Variants in HSPA4L observed in about 807,000 individuals in gnomAD.
HSPA4L encodes the protein heat shock protein family A (Hsp70) member 4 like.
HSPA4L carries 48 observed loss-of-function variants against 100.3 expected under a neutral mutation model. The observed-to-expected ratio is 0.48, with a 90% CI of 0.38 to 0.61. HSPA4L has a LOEUF of 0.61. HSPA4L is among the 20% of genes least tolerant of loss of function. HSPA4L has a pLI of 0.00. For missense variants in HSPA4L, 886 were observed against 988.6 expected, an observed-to-expected ratio of 0.90 and a Z score of 1.39; for synonymous variants, 319 against 328.2, an observed-to-expected ratio of 0.97 and a Z score of 0.30.
chr4:127,818,665 CT>C (rs748835369), intron 13 of HSPA4L, among the ~76,000 whole-genome samples: 2 of 151,162 alleles, frequency 1.3e-5, no homozygotes, highest in South Asian at 2.1e-4. Flanking sequence ...TTTTCATTAA[CT>C]TTTTTTTTCA....
intron 1 of HSPA4L, among the ~76,000 whole-genome samples, chr4:127,793,157 A>G (rs948337781): frequency 2.0e-5 from 3 of 152,240 alleles, no homozygotes; most frequent in African/African-American, 7.2e-5. Flanking sequence ...CACTTTGGCT[A>G]CTATATGGAG....
Position 127,823,550 on chromosome 4 carries a change from A to T in HSPA4L, c.1972A>T (p.Thr658Ser), listed in dbSNP as rs1208361609. The T allele has an allele frequency of 6.2e-7, 1 of 1,613,406 alleles. No individual in the cohort carries two copies. The highest frequency in any genetic ancestry group is 1.3e-5 in the African/African-American group (1 of 74,922). ...TAAACTGTCTGCAGTATTGGAAGAC[A>T]CAGAAAATTGGCTTTATGAAGACGG... is the stretch of plus-strand genomic sequence containing the variant. ...LSKLSAVLED[T>S]ENWLYEDGED... Residue 658 changes from threonine (T) to serine (S), a missense_variant, in exon 16 of 19, where the codon ACA (threonine) becomes TCA (serine). Thr to Ser is a moderately conservative substitution (Grantham distance 58). Coordinates refer to ENST00000296464, the MANE Select transcript of HSPA4L (RefSeq NM_014278.4).
rs375120228 is a variant in HSPA4L, at chr4:127,794,161, C to G, written c.165+27C>G. The G allele has an allele frequency of 2.5e-5, 39 of 1,582,024 alleles. No individual in the cohort carries two copies. The African/African-American group carries it at 4.8e-4, about 20-fold the overall frequency. ...TAAATTGTTAATGTGGATGTTTTGA[C>G]TTACAGGAAGAATTAACTGAATATT... On this transcript the variant is annotated intron_variant, in intron 2 of 18. Coordinates refer to ENST00000296464, the MANE Select transcript of HSPA4L (RefSeq NM_014278.4).
intron 1 of HSPA4L, among the ~76,000 whole-genome samples, chr4:127,787,623 G>A (rs1453000690): frequency 6.6e-6 from 1 of 151,954 alleles, no homozygotes; most frequent in Non-Finnish European, 1.5e-5. Flanking sequence ...TCAAAATATT[G>A]TGGACATCTC....
At chr4:127,795,659 A>G (rs1241493168) in intron 2 of HSPA4L, 109 bp from the exon 3 acceptor site, 1 of 1,002,994 alleles carries the variant, frequency 1.0e-6, no homozygotes, top group East Asian at 2.5e-5. Context: ...TTGTAATCCT[A>G]AACTTGGATG....
rs1372447692 is a variant in HSPA4L, at chr4:127,833,619, G to A, written c.*745G>A. On this transcript the variant is annotated 3_prime_UTR_variant, in exon 19 of 19. Transcript: ENST00000296464. ...AAAACAATGCTAGCCTAAAGATACAGGAGTCTCTGACAAAATGACTTTCAT... is the reference window on the plus strand; with the variant it reads ...AAAACAATGCTAGCCTAAAGATACAAGAGTCTCTGACAAAATGACTTTCAT... 1 of 152,184 alleles carries A rather than the reference G, an allele frequency of 6.6e-6. No homozygotes were observed. Among genetic ancestry groups the A allele is most frequent in the Non-Finnish European group, 1.5e-5 (1 of 68,022 alleles). 9.4% of individuals were successfully genotyped at this position (152,184 alleles called of 1,614,324 possible). A position where few individuals can be genotyped will look rare whatever the true frequency, so the allele number is the denominator to read the frequency against.
chr4:127,831,957 C>T (rs1734094934), intron 18 of HSPA4L, among the ~76,000 whole-genome samples: 1 of 151,542 alleles, frequency 6.6e-6, no homozygotes, highest in South Asian at 2.1e-4. Flanking sequence ...ATATATTTTA[C>T]TCCTAATGAG....
At chr4:127,813,282 T>C in intron 12 of HSPA4L, 1 of 719,166 alleles carries the variant, frequency 1.4e-6, no homozygotes, top group South Asian at 1.6e-5. Context: ...TCTCCCTTTT[T>C]TTAAGGTTGC....
intron 1 of HSPA4L, among the ~76,000 whole-genome samples, chr4:127,785,630 T>A (rs891489987): frequency 6.6e-6 from 1 of 151,968 alleles, no homozygotes; most frequent in African/African-American, 2.4e-5. Context: ...AGAGACGGGG[T>A]TTCACCATGT....
intron 10 of HSPA4L, 34 bp downstream of exon 10, chr4:127,805,827 T>C (rs1733340813): frequency 7.1e-7 from 1 of 1,406,854 alleles, no homozygotes. Flanking sequence ...TTAGAGCTTG[T>C]CATAAATCTT....
rs373145891 is a variant in HSPA4L, at chr4:127,800,216, G to C, written c.430-922G>C. 1.3e-4 allele frequency among the ~76,000 whole-genome samples: 20 copies of C among 152,282 alleles called. No homozygotes were observed. The East Asian group carries it at 2.3e-3, about 18-fold the overall frequency. On this transcript the variant is annotated intron_variant, in intron 4 of 18. Coordinates refer to ENST00000296464, the MANE Select transcript of HSPA4L (RefSeq NM_014278.4). ...CTTATGTCTGTAACCCTAGTACTTT[G>C]GGAGACCAAAGCAGGAGGATTGCTT...
In HSPA4L at chr4:127,834,965, A is replaced by G. The variant is rs1351517274; in HGVS notation, c.*2091A>G. On this transcript the variant is annotated 3_prime_UTR_variant, in exon 19 of 19. Coordinates refer to ENST00000296464, the MANE Select transcript of HSPA4L (RefSeq NM_014278.4). ...TAATAACTTATATACATCCAAATATATATACTTTTTCTACCCAATTATTCA... is the reference window on the plus strand; with the variant it reads ...TAATAACTTATATACATCCAAATATGTATACTTTTTCTACCCAATTATTCA... The G allele has an allele frequency of 6.6e-6, 1 of 152,200 alleles. No homozygotes were observed. Among genetic ancestry groups the G allele is most frequent in the African/African-American group, 2.4e-5 (1 of 41,456 alleles). 9.4% of individuals were successfully genotyped at this position (152,200 alleles called of 1,614,324 possible). A position where few individuals can be genotyped will look rare whatever the true frequency, so the allele number is the denominator to read the frequency against.
intron 10 of HSPA4L, among the ~76,000 whole-genome samples, 169 bp downstream of exon 10, chr4:127,805,962 C>G (rs1733346201): frequency 6.6e-6 from 1 of 151,840 alleles, no homozygotes; most frequent in Non-Finnish European, 1.5e-5. Context: ...CATAATTGGG[C>G]ATATTTTTAA....
chr4:127,786,359 T>G (rs1011038906), intron 1 of HSPA4L, among the ~76,000 whole-genome samples: 1 of 152,238 alleles, frequency 6.6e-6, no homozygotes, highest in African/African-American at 2.4e-5. Flanking sequence ...AATTACCTGG[T>G]TGAGCAGTTA....
chr4:127,804,116 CTG>C lies in HSPA4L; in HGVS notation c.985+31_985+32del, dbSNP rs771873276. Reference sequence around the variant, plus strand: ...AGTGGAAATTACTGGACTATCAAAACTGTACCATAATGTTGCCTACTTAGCGG... The same window carrying C: ...AGTGGAAATTACTGGACTATCAAAACTACCATAATGTTGCCTACTTAGCGG... On this transcript the variant is annotated intron_variant, in intron 8 of 18. Transcript: ENST00000296464. 1.3e-5 allele frequency: 20 copies of C among 1,568,596 alleles called. No individual in the cohort carries two copies. The South Asian group carries it at 2.2e-4, about 17-fold the overall frequency.
chr4:127,830,553 TA>T, intron 17 of HSPA4L, 84 bp from the exon 18 acceptor site: 1 of 1,097,574 alleles, frequency 9.1e-7, no homozygotes, highest in Non-Finnish European at 1.3e-6. Flanking sequence ...AATAAGAGTC[TA>T]AATTTTTAAA....
intron 10 of HSPA4L, among the ~76,000 whole-genome samples, chr4:127,807,177 T>C (rs1733382362): frequency 2.0e-5 from 3 of 151,990 alleles, no homozygotes; most frequent in African/African-American, 2.4e-5. Flanking sequence ...TTTTAAAATC[T>C]TCCATACTTA....
chr4:127,809,038 G>C, intron 11 of HSPA4L: 1 of 485,098 alleles, frequency 2.1e-6, no homozygotes, highest in Non-Finnish European at 3.7e-6. Flanking sequence ...GCAACAACTA[G>C]AATGACTATT....
rs1350904795 is a variant in HSPA4L at position 127,834,546 on chromosome 4, C to G, written c.*1672C>G. The stretch of plus-strand genomic sequence containing the variant: ...TATAAACTTAATATATTTTTAAACT[C>G]TCCTAGTCTTTAAACTTTCTCTTAA... On this transcript the variant is annotated 3_prime_UTR_variant, in exon 19 of 19. Transcript: ENST00000296464. The G allele has an allele frequency of 1.3e-5, 2 of 152,140 alleles. No individual in the cohort carries two copies. The highest frequency in any genetic ancestry group is 2.9e-5 in the Non-Finnish European group (2 of 68,010). The allele number at this position is 152,140 out of a possible 1,614,324, so 9.4% of individuals were successfully genotyped here.
Sources: gnomAD v4.1 joint callset for allele counts (sites outside exome capture counted in the v4.1 genomes callset) on GRCh38, gnomAD v4.1.1 for gene constraint, MANE v1.5 for transcripts, NCBI Gene and HGNC (gene_info 2026-07-23, HGNC 2026-07-21) for gene names.